Variants in ATP2B2 observed in about 807,000 individuals in gnomAD.
The protein encoded by ATP2B2 is plasma membrane calcium-transporting ATPase 2.
In ATP2B2, 15 loss-of-function variants were observed where a neutral mutation model predicts 120.0. That is an observed-to-expected ratio of 0.12 (90% CI 0.08 to 0.19). The LOEUF (loss-of-function observed/expected upper bound fraction) is 0.19. ATP2B2 is among the 10% of genes least tolerant of loss of function. The pLI, the probability that ATP2B2 is intolerant of heterozygous loss-of-function variation, is 1.00. For synonymous variants in ATP2B2, 694 were observed against 700.3 expected (o/e 0.99, Z 0.14); for missense variants, 1,045 against 1,719.8 (o/e 0.61, Z 6.94).
At chr3:10,554,544 T>C (rs2067738657) in intron 2 of ATP2B2, among the ~76,000 whole-genome samples, 1 of 152,070 alleles carries the variant, frequency 6.6e-6, no homozygotes, top group Non-Finnish European at 1.5e-5. Context: ...CTCTAGAAGA[T>C]GGAAAAGGCC....
chr3:10,350,003 G>C, intron 16 of ATP2B2, 109 bp downstream of exon 16: 1 of 1,141,826 alleles, frequency 8.8e-7, no homozygotes, highest in Admixed American at 2.0e-5. Flanking sequence ...AGAGTCAGGG[G>C]CGAGGGGCCC....
chr3:10,671,858 T>C (rs1575610126), intron 1 of ATP2B2, among the ~76,000 whole-genome samples: 1 of 151,878 alleles, frequency 6.6e-6, no homozygotes, highest in Admixed American at 6.6e-5. Context: ...TCGGAAGGAG[T>C]CTGTACCCCG....
chr3:10,503,511 C>T (rs73121313), intron 1 of ATP2B2, among the ~76,000 whole-genome samples: 7,346 of 152,340 alleles, frequency 0.048, 585 homozygotes, highest in African/African-American at 0.17. Context: ...TCCAGTATCC[C>T]TCTGTCCTCA....
chr3:10,665,088 C>T (rs1295384862), intron 1 of ATP2B2, among the ~76,000 whole-genome samples: 1 of 152,198 alleles, frequency 6.6e-6, no homozygotes, highest in Non-Finnish European at 1.5e-5. Context: ...CCTTTACCAT[C>T]TGATCTTTGA....
At chr3:10,601,707 G>A (rs1243896015) in intron 2 of ATP2B2, among the ~76,000 whole-genome samples, 2 of 152,190 alleles carry the variant, frequency 1.3e-5, no homozygotes, top group Non-Finnish European at 2.9e-5. Context: ...GGAGGGGAAC[G>A]CCCAGGAGCC....
intron 2 of ATP2B2, among the ~76,000 whole-genome samples, chr3:10,606,882 C>CACACAA (rs1370284689): frequency 5.4e-5 from 2 of 36,764 alleles, no homozygotes; most frequent in Admixed American, 3.2e-4. Flanking sequence ...GGAGTCTAAA[C>CACACAA]ACACACACAC....
chr3:10,569,993 A>G (rs1325022216), intron 2 of ATP2B2: 1 of 152,164 alleles, frequency 6.6e-6, no homozygotes. Flanking sequence ...ATTTTGATGG[A>G]AGAATATTTA....
At chr3:10,400,884 T>C in intron 5 of ATP2B2, 69 bp downstream of exon 5, 2 of 1,606,436 alleles carry the variant, frequency 1.2e-6, no homozygotes, top group South Asian at 1.1e-5. Flanking sequence ...TTCAGCCTCA[T>C]GAAGGGGACA....
intron 2 of ATP2B2, among the ~76,000 whole-genome samples, chr3:10,601,883 C>T (rs1020282647): frequency 3.3e-5 from 5 of 152,234 alleles, no homozygotes; most frequent in African/African-American, 4.8e-5. Flanking sequence ...GCCCTCCTCC[C>T]TACCCTCTTT....
intron 11 of ATP2B2, among the ~76,000 whole-genome samples, chr3:10,372,862 T>C (rs1488154491): frequency 6.6e-6 from 1 of 152,216 alleles, no homozygotes; most frequent in Non-Finnish European, 1.5e-5. Context: ...GTAATGCAAA[T>C]GAAGTAATTC....
chr3:10,506,457 A>G (rs1383930667), upstream of ATP2B2, among the ~76,000 whole-genome samples: 1 of 152,116 alleles, frequency 6.6e-6, no homozygotes, highest in East Asian at 1.9e-4. Context: ...ACCCCGGGTG[A>G]GGAGTCGGTA....
chr3:10,498,641 C>T (rs558491894), intron 1 of ATP2B2, among the ~76,000 whole-genome samples: 2 of 152,344 alleles, frequency 1.3e-5, no homozygotes, highest in South Asian at 4.1e-4. Flanking sequence ...GGTAGAGTAG[C>T]CCAGCCGGCA....
intron 2 of ATP2B2, among the ~76,000 whole-genome samples, chr3:10,430,057 C>G (rs1208350548): frequency 1.2e-4 from 18 of 152,142 alleles, no homozygotes; most frequent in Non-Finnish European, 2.6e-4. Flanking sequence ...AGAAAATAAG[C>G]CATTTCTGTA....
intron 2 of ATP2B2, among the ~76,000 whole-genome samples, chr3:10,555,631 T>C (rs2067762212): frequency 6.6e-6 from 1 of 152,236 alleles, no homozygotes; most frequent in South Asian, 2.1e-4. Context: ...TGACTAGTTA[T>C]GCCTCTTCTC....
At chr3:10,633,990 C>G (rs1277454042) in intron 1 of ATP2B2, among the ~76,000 whole-genome samples, 1 of 152,134 alleles carries the variant, frequency 6.6e-6, no homozygotes, top group Non-Finnish European at 1.5e-5. Context: ...AATGCCCCAC[C>G]GCCCAACCCG....
At chr3:10,339,360 C>T (rs1231714146) in intron 21 of ATP2B2, among the ~76,000 whole-genome samples, 1 of 152,222 alleles carries the variant, frequency 6.6e-6, no homozygotes, top group African/African-American at 2.4e-5. Context: ...CTCACTCTAG[C>T]CTGCAGACAG....
chr3:10,696,584 CT>C (rs1442952734), intron 1 of ATP2B2, among the ~76,000 whole-genome samples: 1 of 152,216 alleles, frequency 6.6e-6, no homozygotes, highest in Non-Finnish European at 1.5e-5. Flanking sequence ...CCTGGTTGCT[CT>C]TCCTTCCATC....
chr3:10,343,710 C>T lies in ATP2B2; in HGVS notation c.2704-745G>A, dbSNP rs2060350296. Among the ~76,000 whole-genome samples the T allele has an allele frequency of 6.6e-6, 1 of 152,024 alleles. No individual in the cohort carries two copies. The highest frequency in any genetic ancestry group is 1.9e-4 in the East Asian group (1 of 5,170). Reference sequence around the variant, plus strand: ...CCCTCCACGTTCCCAGAATGCCCTCCGCCCACGTCACCAGCACCTTCTGTG... The same window carrying T: ...CCCTCCACGTTCCCAGAATGCCCTCTGCCCACGTCACCAGCACCTTCTGTG... On this transcript the variant is annotated intron_variant, in intron 18 of 22. Transcript: ENST00000360273. The surrounding 1 kb of genome is among the most constrained non-coding windows in gnomAD (Gnocchi z 4.2).
rs2062259016 is a variant in ATP2B2 at position 10,402,559 on chromosome 3, T to C, written c.398-211A>G. 6.6e-6 allele frequency among the ~76,000 whole-genome samples: 1 copy of C among 152,204 alleles called. No individual in the cohort carries two copies. The highest frequency in any genetic ancestry group is 1.5e-5 in the Non-Finnish European group (1 of 68,034). On this transcript the variant is annotated intron_variant, in intron 3 of 22. Coordinates refer to ENST00000360273, the MANE Select transcript of ATP2B2 (RefSeq NM_001001331.4). This position sits in a 1 kb window ranked among gnomAD's most constrained non-coding sequence, Gnocchi z 4.9. Reference sequence around the variant, plus strand: ...GTATTCCCGCTGCCCATTTCACAGATGTGGAAGCTGAGGTTTCTCAGAGAG... The same window carrying C: ...GTATTCCCGCTGCCCATTTCACAGACGTGGAAGCTGAGGTTTCTCAGAGAG...
Sources: allele counts gnomAD v4.1 joint callset (sites outside exome capture counted in the v4.1 genomes callset), GRCh38; gene constraint gnomAD v4.1.1; non-coding constraint Gnocchi (gnomAD v3.1); transcripts MANE v1.5; gene names NCBI Gene and HGNC (gene_info 2026-07-23, HGNC 2026-07-21).